The following COL14A1 variants were observed in gnomAD, a reference collection of about 807,000 sequenced individuals.
The protein encoded by COL14A1 is collagen alpha-1(XIV) chain.
In COL14A1, 136 loss-of-function variants were observed where a neutral mutation model predicts 230.3. That is an observed-to-expected ratio of 0.59 (90% CI 0.51 to 0.68). COL14A1 has a LOEUF of 0.68. Among genes scored for constraint, COL14A1 ranks in the 30% least tolerant of loss-of-function variants. The probability of loss-of-function intolerance (pLI) is 0.00; values close to 1 mark genes in which losing one functional copy is unlikely to be tolerated. For missense variants in COL14A1, 1,976 were observed against 2,215.8 expected (o/e 0.89, Z 2.17); for synonymous variants, 792 against 784.1 (o/e 1.01, Z -0.17).
intron 34 of COL14A1, among the ~76,000 whole-genome samples, chr8:120,290,752 T>C (rs57553886): frequency 0.51 from 77,261 of 152,030 alleles, 20,576 homozygotes; most frequent in African/African-American, 0.68. Context: ...ACACAGGAAA[T>C]AGTCCAAGTG....
At chr8:120,189,840 T>A (rs1816760793) in intron 5 of COL14A1, among the ~76,000 whole-genome samples, 2 of 152,124 alleles carry the variant, frequency 1.3e-5, no homozygotes, top group Admixed American at 6.5e-5. Context: ...CTGTATAGTA[T>A]TCCATGATGT....
intron 34 of COL14A1, among the ~76,000 whole-genome samples, chr8:120,293,471 T>C (rs1340959775): frequency 6.6e-6 from 1 of 151,672 alleles, no homozygotes; most frequent in Non-Finnish European, 1.5e-5. Flanking sequence ...GTGTGTATTT[T>C]CCTGGGATTA....
At chr8:120,244,998 C>T (rs1818720548) in intron 20 of COL14A1, among the ~76,000 whole-genome samples, 1 of 152,164 alleles carries the variant, frequency 6.6e-6, no homozygotes, top group Non-Finnish European at 1.5e-5. Flanking sequence ...CCCATTCATA[C>T]CTCCCTGTCT....
At chr8:120,167,943 C>G (rs1815964248) in intron 4 of COL14A1, among the ~76,000 whole-genome samples, 1 of 152,202 alleles carries the variant, frequency 6.6e-6, no homozygotes, top group Non-Finnish European at 1.5e-5. Flanking sequence ...AGTGCATACT[C>G]AGCCAAAGTA....
rs139439960 is a variant in COL14A1 at position 120,225,157 on chromosome 8, A to G, written c.1807A>G (p.Ile603Val). ...LTPLTEYTIA[I>V]FSIYDEGQSE... is the part of the protein sequence containing the mutation. ...ACCTCTCACAGAGTATACTATTGCT[A>G]TTTTCTCCATCTATGATGAAGGACA... Residue 603 changes from isoleucine (I) to valine (V), a missense_variant, in exon 15 of 48, where the codon ATT (isoleucine) becomes GTT (valine). Physicochemically the swap from Ile to Val is conservative, Grantham distance 29 (BLOSUM62 3). Around this residue, in one of 3 missense-constraint regions of COL14A1, gnomAD observed 1,791 missense variants for 2,019.5 expected, o/e 0.89. Transcript: ENST00000297848. 25 of 1,612,632 alleles carry G rather than the reference A, an allele frequency of 1.6e-5. No individual in the cohort carries two copies. In the African/African-American group the frequency reaches 2.7e-4, roughly 17 times the overall value.
At chr8:120,327,065 T>C (rs1821699220) in intron 40 of COL14A1, among the ~76,000 whole-genome samples, 2 of 152,112 alleles carry the variant, frequency 1.3e-5, no homozygotes, top group Non-Finnish European at 2.9e-5. Flanking sequence ...CCACCTTTGT[T>C]CTTGAACAAA....
At chr8:120,285,835 A>C in intron 32 of COL14A1, 26 bp from the exon 33 acceptor site, 1 of 1,435,188 alleles carries the variant, frequency 7.0e-7, no homozygotes, top group East Asian at 2.4e-5. Flanking sequence ...ATTATTTCTA[A>C]AATATTTTTA....
intron 1 of COL14A1, among the ~76,000 whole-genome samples, chr8:120,142,986 G>A (rs12546625): frequency 0.36 from 55,223 of 151,960 alleles, 11,350 homozygotes; most frequent in East Asian, 0.57. Context: ...GAAAGTTTAC[G>A]TAACTATGCT....
intron 25 of COL14A1, 137 bp from the exon 26 acceptor site, chr8:120,269,898 T>G: frequency 1.2e-6 from 1 of 831,952 alleles, no homozygotes; most frequent in East Asian, 2.6e-5. Flanking sequence ...GTTTGGAATA[T>G]GAACATTAAG....
rs771151800 is a variant in COL14A1 at position 120,270,047 on chromosome 8, C to G, written c.3086C>G (p.Ala1029Gly). The G allele has an allele frequency of 6.2e-7, 1 of 1,611,054 alleles. No individual in the cohort carries two copies. Among genetic ancestry groups the G allele is most frequent in the Admixed American group, 1.7e-5 (1 of 59,748 alleles). The change falls in exon 26 of 48, where the codon GCC (alanine) becomes GGC (glycine). Residue 1029 changes from alanine to glycine, a missense_variant. Ala to Gly is a moderately conservative substitution (Grantham distance 60). Around this residue, in one of 3 missense-constraint regions of COL14A1, gnomAD observed 1,791 missense variants for 2,019.5 expected, o/e 0.89. Coordinates refer to ENST00000297848, the MANE Select transcript of COL14A1 (RefSeq NM_021110.4). ...IPPAKEVCKA[A>G]KADLVFMVDG... The stretch of plus-strand genomic sequence containing the variant: ...TGTTGGTCTTCAGTATGTAAGGCGG[C>G]CAAGGCTGACCTGGTATTTATGGTG...
At chr8:120,216,211 C>A in intron 13 of COL14A1, 140 bp from the exon 14 acceptor site, 2 of 659,182 alleles carry the variant, frequency 3.0e-6, no homozygotes, top group Non-Finnish European at 4.9e-6. Flanking sequence ...TGAGACAATA[C>A]ACTGGTTATT....
At chr8:120,260,910 A>C (rs1186130226) in intron 23 of COL14A1, among the ~76,000 whole-genome samples, 1 of 152,170 alleles carries the variant, frequency 6.6e-6, no homozygotes, top group Admixed American at 6.6e-5. Flanking sequence ...AGAATATATC[A>C]GTGGAAATTA....
At chr8:120,292,531 A>G (rs1259182384) in intron 34 of COL14A1, among the ~76,000 whole-genome samples, 1 of 152,142 alleles carries the variant, frequency 6.6e-6, no homozygotes, top group Non-Finnish European at 1.5e-5. Flanking sequence ...TTGGAAACTC[A>G]GACTTGCTTT....
At position 120,345,451 on chromosome 8, in the gene COL14A1, TCCTGGGGAGCCTGGGAGGCCAGGCTCA is replaced by T. The variant is rs773444093; in HGVS notation, c.4971_4997del (p.Glu1658_Gly1666del). 2 of 1,602,642 alleles carry T rather than the reference TCCTGGGGAGCCTGGGAGGCCAGGCTCA, an allele frequency of 1.2e-6. No individual in the cohort carries two copies. Among genetic ancestry groups the T allele is most frequent in the South Asian group, 1.1e-5 (1 of 89,290 alleles). On this transcript the variant is annotated inframe_deletion, in exon 45 of 48. Coordinates refer to ENST00000297848, the MANE Select transcript of COL14A1 (RefSeq NM_021110.4). ...CATCCATCCGGACTGTCCAAGGGCC[TCCTGGGGAGCCTGGGAGGCCAGGCTCA>T]CCTGGAGCCCCTGGTGAACAAGGAC...
At position 120,135,590 on chromosome 8, in the gene COL14A1, A is replaced by G. The variant is rs930704533; in HGVS notation, c.-38+10250A>G. 3.9e-5 allele frequency among the ~76,000 whole-genome samples: 6 copies of G among 152,324 alleles called. No individual in the cohort carries two copies. In the East Asian group the frequency reaches 1.2e-3, roughly 29 times the overall value. On this transcript the variant is annotated intron_variant, in intron 1 of 47. Coordinates refer to ENST00000297848, the MANE Select transcript of COL14A1 (RefSeq NM_021110.4). ...TTAATACTTTTTAAAAGGAATAAGC[A>G]TACTTTATAACCAGCAGTTTAACTT...
At chr8:120,217,663 G>A (rs189100490) in intron 14 of COL14A1, among the ~76,000 whole-genome samples, 1 of 152,172 alleles carries the variant, frequency 6.6e-6, no homozygotes, top group African/African-American at 2.4e-5. Context: ...TGTAAATCTT[G>A]AGAGTAAATA....
In COL14A1 at chr8:120,289,517, A is replaced by AT. The variant is rs1273075101; in HGVS notation, c.4078-90dup. 4 of 1,188,488 alleles carry AT rather than the reference A, an allele frequency of 3.4e-6. No homozygotes were observed. In the Admixed American group the frequency reaches 7.0e-5, roughly 21 times the overall value. 73.6% of individuals were successfully genotyped at this position (1,188,488 alleles called of 1,614,324 possible). ...GACAGAATTCTTTCTCTTCTCTTTC[A>AT]TACTTTGTAATGATGAATCATACAA... On this transcript the variant is annotated intron_variant, in intron 33 of 47. Transcript: ENST00000297848.
At position 120,283,837 on chromosome 8, in the gene COL14A1, T is replaced by C. The variant is rs1820113981; in HGVS notation, c.3967+59T>C. On this transcript the variant is annotated intron_variant, in intron 32 of 47. Transcript: ENST00000297848. ...ACATGTATGAGTAATGTATGTGGCATGCCATTTTGCCTGTTTGTGTATATT... is the reference window on the plus strand; with the variant it reads ...ACATGTATGAGTAATGTATGTGGCACGCCATTTTGCCTGTTTGTGTATATT... The C allele has an allele frequency of 2.8e-6, 4 of 1,443,400 alleles. No homozygotes were observed. In the South Asian group the frequency reaches 5.4e-5, roughly 19 times the overall value. 89.4% of individuals were successfully genotyped at this position (1,443,400 alleles called of 1,614,324 possible). A position where few individuals can be genotyped will look rare whatever the true frequency, so the allele number is the denominator to read the frequency against.
At chr8:120,129,867 C>T (rs1814471507) in intron 1 of COL14A1, among the ~76,000 whole-genome samples, 1 of 152,222 alleles carries the variant, frequency 6.6e-6, no homozygotes, top group Non-Finnish European at 1.5e-5. Context: ...TCAATATTTA[C>T]TGATTGCCTA....
Sources: allele counts gnomAD v4.1 joint callset (sites outside exome capture counted in the v4.1 genomes callset), GRCh38; gene constraint gnomAD v4.1.1; regional missense constraint gnomAD v4.1.1; transcripts MANE v1.5; gene names NCBI Gene and HGNC (gene_info 2026-07-23, HGNC 2026-07-21).